GRID2: variants seen among roughly 807,000 people sequenced by gnomAD.
The protein encoded by GRID2 is glutamate receptor ionotropic, delta-2.
In GRID2, 33 loss-of-function variants were observed where a neutral mutation model predicts 114.8. The ratio of observed to expected loss-of-function variants is 0.29; its 90% CI spans 0.22 to 0.38. The LOEUF (loss-of-function observed/expected upper bound fraction) is 0.38. GRID2 is among the 10% of genes least tolerant of loss of function. The pLI, the probability that GRID2 is intolerant of heterozygous loss-of-function variation, is 1.00. For missense variants in GRID2, 1,184 were observed against 1,257.7 expected (o/e 0.94, Z 0.89); for synonymous variants, 505 against 449.9 (o/e 1.12, Z -1.55).
intron 10 of GRID2, 65 bp downstream of exon 10, chr4:93,423,033 G>T (rs528835515): frequency 3.6e-6 from 4 of 1,095,928 alleles, no homozygotes; most frequent in South Asian, 2.6e-5. Flanking sequence ...ATACCTAAAG[G>T]TTCAACAGTA....
chr4:93,465,269 C>G (rs1275039739), intron 11 of GRID2, among the ~76,000 whole-genome samples: 1 of 152,180 alleles, frequency 6.6e-6, no homozygotes, highest in Non-Finnish European at 1.5e-5. Context: ...CAATTTTTTA[C>G]CTAGTCACAA....
At position 93,717,209 on chromosome 4, in the gene GRID2, A is replaced by G. The variant is rs1394293294; in HGVS notation, c.2361-52001A>G. On this transcript the variant is annotated intron_variant, in intron 14 of 15. Transcript: ENST00000282020. ...ACATAGATACTAAAATAACTAATTAAAGACTATATTGGCTCTTTTTAAATT... is the reference window on the plus strand; with the variant it reads ...ACATAGATACTAAAATAACTAATTAGAGACTATATTGGCTCTTTTTAAATT... 2.6e-5 allele frequency among the ~76,000 whole-genome samples: 4 copies of G among 152,300 alleles called. No homozygotes were observed. In the East Asian group the frequency reaches 7.7e-4, roughly 29 times the overall value.
chr4:92,891,522 C>A (rs1746781677), intron 2 of GRID2, among the ~76,000 whole-genome samples: 1 of 152,058 alleles, frequency 6.6e-6, no homozygotes, highest in Non-Finnish European at 1.5e-5. Flanking sequence ...GGTTGCCTTC[C>A]TTTTCACTAG....
At chr4:92,349,276 A>G (rs943786749) in intron 1 of GRID2, among the ~76,000 whole-genome samples, 1 of 152,044 alleles carries the variant, frequency 6.6e-6, no homozygotes, top group Non-Finnish European at 1.5e-5. Context: ...AGAATGGACT[A>G]AAAATGACTA....
At chr4:92,973,991 G>C (rs1457114113) in intron 2 of GRID2, among the ~76,000 whole-genome samples, 2 of 152,004 alleles carry the variant, frequency 1.3e-5, no homozygotes, top group African/African-American at 4.8e-5. Context: ...AAATTTACCA[G>C]AAAGATACAA....
At chr4:93,738,897 T>G (rs1332935239) in intron 14 of GRID2, among the ~76,000 whole-genome samples, 2 of 152,064 alleles carry the variant, frequency 1.3e-5, no homozygotes, top group Non-Finnish European at 2.9e-5. Context: ...AACTCTAACA[T>G]TCAACTGGAG....
chr4:93,689,690 A>G (rs1011945673), intron 14 of GRID2, among the ~76,000 whole-genome samples: 2 of 152,120 alleles, frequency 1.3e-5, no homozygotes, highest in Non-Finnish European at 2.9e-5. Context: ...CACTTTACAA[A>G]CATGAAGAAA....
At chr4:93,278,801 C>T (rs1245465148) in intron 8 of GRID2, among the ~76,000 whole-genome samples, 1 of 151,558 alleles carries the variant, frequency 6.6e-6, no homozygotes, top group South Asian at 2.1e-4. Flanking sequence ...CTGATGTCTT[C>T]AAAGGTGGTT....
intron 1 of GRID2, among the ~76,000 whole-genome samples, chr4:93,794,435 C>T (rs1734755235): frequency 6.6e-6 from 1 of 152,160 alleles, no homozygotes; most frequent in African/African-American, 2.4e-5. Context: ...CTTTGGGACA[C>T]AAAAACCCAC....
chr4:93,366,037 A>G (rs907417272), intron 8 of GRID2, among the ~76,000 whole-genome samples: 2 of 152,064 alleles, frequency 1.3e-5, no homozygotes, highest in Non-Finnish European at 2.9e-5. Flanking sequence ...AGGAGGATGT[A>G]TATTGCCTCA....
At chr4:93,289,477 C>G (rs1753513373) in intron 8 of GRID2, among the ~76,000 whole-genome samples, 1 of 152,082 alleles carries the variant, frequency 6.6e-6, no homozygotes, top group East Asian at 1.9e-4. Flanking sequence ...TGCTGGCTGC[C>G]TGGCTTTTCC....
intron 1 of GRID2, among the ~76,000 whole-genome samples, chr4:93,799,783 C>A (rs1361613350): frequency 6.6e-6 from 1 of 152,088 alleles, no homozygotes; most frequent in African/African-American, 2.4e-5. Flanking sequence ...ATTCACTCAA[C>A]TAATTTCTAA....
chr4:92,794,655 G>T (rs953916841), intron 2 of GRID2, among the ~76,000 whole-genome samples: 1 of 151,186 alleles, frequency 6.6e-6, no homozygotes, highest in African/African-American at 2.4e-5. Context: ...GTAACCTGGT[G>T]AGTGAAAAAA....
At chr4:93,666,909 A>G (rs1723997580) in intron 14 of GRID2, among the ~76,000 whole-genome samples, 1 of 152,124 alleles carries the variant, frequency 6.6e-6, no homozygotes, top group South Asian at 2.1e-4. Context: ...CTTTTTAAAT[A>G]TTACAACACT....
In GRID2 at chr4:93,207,388, T is replaced by A. The variant is rs764546567; in HGVS notation, c.736-16T>A. On this transcript the variant is annotated splice_polypyrimidine_tract_variant and intron_variant, in intron 4 of 15. Transcript: ENST00000282020. ...TGATTAATTTTGACTGATAGCTGAT[T>A]TGTTTTCTATTCTAGGTTGTGGAGA... 2 of 1,569,088 alleles carry A rather than the reference T, an allele frequency of 1.3e-6. No homozygotes were observed. Among genetic ancestry groups the A allele is most frequent in the East Asian group, 2.2e-5 (1 of 44,468 alleles).
intron 2 of GRID2, among the ~76,000 whole-genome samples, chr4:93,019,006 T>A (rs1723028074): frequency 6.6e-6 from 1 of 152,188 alleles, no homozygotes; most frequent in Non-Finnish European, 1.5e-5. Flanking sequence ...TTTCACAATA[T>A]GTGAGTTATC....
At chr4:92,981,402 G>A (rs1754202520) in intron 2 of GRID2, among the ~76,000 whole-genome samples, 1 of 151,998 alleles carries the variant, frequency 6.6e-6, no homozygotes, top group Non-Finnish European at 1.5e-5. Flanking sequence ...AGTTGTAACA[G>A]TAAAAGTAAT....
intron 1 of GRID2, among the ~76,000 whole-genome samples, chr4:92,497,937 G>A (rs1723475346): frequency 6.6e-6 from 1 of 151,576 alleles, no homozygotes; most frequent in African/African-American, 2.4e-5. Flanking sequence ...AATCTTAGCT[G>A]CATAAGTAAT....
chr4:92,566,613 A>C (rs115626231), intron 1 of GRID2, among the ~76,000 whole-genome samples: 4,140 of 152,108 alleles, frequency 0.027, 188 homozygotes, highest in African/African-American at 0.094. Flanking sequence ...ATTTTTCTAG[A>C]GAATGAGTGA....
Sources: gnomAD v4.1 joint callset for allele counts (sites outside exome capture counted in the v4.1 genomes callset) on GRCh38, gnomAD v4.1.1 for gene constraint, MANE v1.5 for transcripts, NCBI Gene and HGNC (gene_info 2026-07-23, HGNC 2026-07-21) for gene names.